The following C2CD3 variants were observed in gnomAD, a reference collection of about 807,000 sequenced individuals.
The protein encoded by C2CD3 is C2 domain containing 3 centriole elongation regulator, also known as C2 domain-containing protein 3.
In C2CD3, 148 loss-of-function variants were observed where a neutral mutation model predicts 234.0. The ratio of observed to expected loss-of-function variants is 0.63; its 90% confidence interval spans 0.55 to 0.72. The LOEUF is 0.72. Among genes scored for constraint, C2CD3 ranks in the 30% least tolerant of loss-of-function variants. The probability of loss-of-function intolerance (pLI) is 0.00; values close to 1 mark genes in which losing one functional copy is unlikely to be tolerated. For missense variants in C2CD3, 2,577 were observed against 2,811.5 expected, an observed-to-expected ratio of 0.92 and a Z score of 1.89; for synonymous variants, 1,000 against 1,035.4, an observed-to-expected ratio of 0.97 and a Z score of 0.66.
intron 32 of C2CD3, among the ~76,000 whole-genome samples, chr11:74,020,669 G>A (rs1952050307): frequency 6.6e-6 from 1 of 152,230 alleles, no homozygotes; most frequent in African/African-American, 2.4e-5. Flanking sequence ...GGAACTGTGA[G>A]TTCCCCGAGG....
At chr11:74,042,250 C>G in intron 28 of C2CD3, 32 bp from the exon 29 acceptor site, 1 of 1,556,224 alleles carries the variant, frequency 6.4e-7, no homozygotes, top group Non-Finnish European at 8.7e-7. Context: ...AAAGTAGGAG[C>G]AAAATAAATT....
At chr11:74,031,237 T>C (rs1952511606) in intron 31 of C2CD3, among the ~76,000 whole-genome samples, 1 of 152,224 alleles carries the variant, frequency 6.6e-6, no homozygotes, top group Non-Finnish European at 1.5e-5. Context: ...TCACCTCCAT[T>C]TTACAGATGA....
At chr11:74,034,615 T>A in intron 30 of C2CD3, 5 of 1,609,964 alleles carry the variant, frequency 3.1e-6, no homozygotes, top group Non-Finnish European at 4.3e-6. Context: ...CTACCTATAT[T>A]AAAAATCAAA....
At chr11:74,161,900 C>T (rs1313462523) in intron 2 of C2CD3, among the ~76,000 whole-genome samples, 2 of 150,674 alleles carry the variant, frequency 1.3e-5, no homozygotes, top group African/African-American at 4.9e-5. Flanking sequence ...ACTGCAACCT[C>T]GAACTCCAGG....
intron 7 of C2CD3, 76 bp downstream of exon 7, chr11:74,132,768 G>C: frequency 7.1e-7 from 1 of 1,407,388 alleles, no homozygotes; most frequent in Non-Finnish European, 9.9e-7. Flanking sequence ...ACTTTAGGAA[G>C]ATGAATCTGA....
intron 28 of C2CD3, among the ~76,000 whole-genome samples, chr11:74,046,927 A>C (rs1953402241): frequency 6.6e-6 from 1 of 152,226 alleles, no homozygotes; most frequent in African/African-American, 2.4e-5. Flanking sequence ...GTGAAAACCC[A>C]GTGAGCTAAT....
At chr11:74,036,484 T>A (rs1004352793) in intron 30 of C2CD3, 1 of 456,062 alleles carries the variant, frequency 2.2e-6, no homozygotes. Flanking sequence ...AGGTTAGGTA[T>A]CTGGAAGAAG....
intron 8 of C2CD3, among the ~76,000 whole-genome samples, chr11:74,120,699 C>A (rs1957182716): frequency 6.6e-6 from 1 of 152,168 alleles, no homozygotes; most frequent in Non-Finnish European, 1.5e-5. Flanking sequence ...TGAGGAATTG[C>A]CACATTGCCT....
At chr11:74,058,682 T>G (rs1209494080) in intron 24 of C2CD3, among the ~76,000 whole-genome samples, 4 of 152,018 alleles carry the variant, frequency 2.6e-5, no homozygotes, top group Admixed American at 2.6e-4. Context: ...CTAATGTTAA[T>G]TTTTACAAGA....
chr11:74,145,637 G>A (rs746894328), intron 3 of C2CD3, among the ~76,000 whole-genome samples: 10 of 151,916 alleles, frequency 6.6e-5, no homozygotes, highest in Non-Finnish European at 1.2e-4. Flanking sequence ...TTCTTATGTC[G>A]AAAATGGCAT....
chr11:74,072,887 AG>A lies in C2CD3; in HGVS notation c.4951+1365del, dbSNP rs201091599. On this transcript the variant is annotated intron_variant, in intron 24 of 32. Coordinates refer to ENST00000334126, the MANE Select transcript of C2CD3 (RefSeq NM_001286577.2). ...AAAAGAAAACCATGGAAACAACTGC[AG>A]TACTGTGTGACATATGATATGATAC... Among the ~76,000 whole-genome samples the A allele has an allele frequency of 6.4e-3, 978 of 152,328 alleles. 7 individuals carry two copies. The highest frequency in any genetic ancestry group is 0.017 in the Admixed American group (257 of 15,304).
chr11:74,048,648 C>T (rs1953508773), intron 27 of C2CD3, among the ~76,000 whole-genome samples: 1 of 152,090 alleles, frequency 6.6e-6, no homozygotes, highest in Admixed American at 6.6e-5. Context: ...TTACATTTAC[C>T]TTACATATGA....
chr11:74,034,223 C>T lies in C2CD3; in HGVS notation c.5937G>A (p.Arg1979=). The T allele has an allele frequency of 6.5e-7, 1 of 1,536,202 alleles. No individual in the cohort carries two copies. The highest frequency in any genetic ancestry group is 8.7e-7 in the Non-Finnish European group (1 of 1,146,908). ...SQAALSSHRA[R]SRSNKATTLP... is the part of the protein sequence containing the mutation. ...GGGTGGTGGCCTTGTTGCTTCTACTCCTGGCTCGGTGAGAACTCAAAGCTG... is the reference window on the plus strand; with the variant it reads ...GGGTGGTGGCCTTGTTGCTTCTACTTCTGGCTCGGTGAGAACTCAAAGCTG... The change falls in exon 31 of 33, where the codon AGG becomes AGA. Residue 1979 remains arginine (R), a synonymous_variant. Coordinates refer to ENST00000334126, the MANE Select transcript of C2CD3 (RefSeq NM_001286577.2).
Position 74,076,569 on chromosome 11 carries a change from A to G in C2CD3, c.4603+1546T>C, listed in dbSNP as rs986929613. The stretch of plus-strand genomic sequence containing the variant: ...GCTAGTTTTCCATAATTCTCAGGAA[A>G]AAAGTCCAAACTTCAGCTGAGAAGA... On this transcript the variant is annotated intron_variant, in intron 23 of 32. Coordinates refer to ENST00000334126, the MANE Select transcript of C2CD3 (RefSeq NM_001286577.2). Among the ~76,000 whole-genome samples the G allele has an allele frequency of 2.0e-5, 3 of 152,308 alleles. No homozygotes were observed. In the South Asian group the frequency reaches 6.2e-4, roughly 32 times the overall value.
At chr11:74,154,723 G>A (rs1855895970) in intron 3 of C2CD3, among the ~76,000 whole-genome samples, 1 of 152,144 alleles carries the variant, frequency 6.6e-6, no homozygotes, top group Non-Finnish European at 1.5e-5. Flanking sequence ...AATGGGTGTG[G>A]CTGCGTCCTA....
At chr11:74,163,947 C>T (rs746376132) in intron 2 of C2CD3, among the ~76,000 whole-genome samples, 87 of 152,178 alleles carry the variant, frequency 5.7e-4, no homozygotes, top group Non-Finnish European at 2.4e-4. Flanking sequence ...AACAACTCTA[C>T]GATACTGGTG....
chr11:74,139,522 T>C (rs1349815547), intron 4 of C2CD3, 83 bp downstream of exon 4: 1 of 1,007,330 alleles, frequency 9.9e-7, no homozygotes. Flanking sequence ...GTTAATCTTT[T>C]ACTCAACCAT....
chr11:74,168,731 C>T, intron 1 of C2CD3, 118 bp from the exon 2 acceptor site: 2 of 891,332 alleles, frequency 2.2e-6, no homozygotes, highest in Non-Finnish European at 1.7e-6. Context: ...CAATTTATCA[C>T]CACTTAGAAA....
chr11:74,160,870 C>T (rs142681453), intron 3 of C2CD3, among the ~76,000 whole-genome samples: 8 of 152,156 alleles, frequency 5.3e-5, no homozygotes, highest in East Asian at 3.9e-4. Context: ...ATGTGTATCA[C>T]GCGTCAATTA....
Sources: gnomAD v4.1 joint callset for allele counts (sites outside exome capture counted in the v4.1 genomes callset) on GRCh38, gnomAD v4.1.1 for gene constraint, MANE v1.5 for transcripts, NCBI Gene and HGNC (gene_info 2026-07-23, HGNC 2026-07-21) for gene names.